The following RFX7 variants were observed in gnomAD, a reference collection of about 807,000 sequenced individuals.
The protein encoded by RFX7 is regulatory factor X7, also known as DNA-binding protein RFX7.
Under a neutral mutation model 111.8 loss-of-function variants are expected in RFX7, and 26 were observed. The ratio of observed to expected loss-of-function variants is 0.23; its 90% CI spans 0.17 to 0.32. The LOEUF (loss-of-function observed/expected upper bound fraction) is 0.32, where lower values mean the gene tolerates loss of function less well. Ranked by LOEUF, RFX7 falls within the 10% of genes least tolerant of loss-of-function variation. The pLI, the probability that RFX7 is intolerant of heterozygous loss-of-function variation, is 1.00. For synonymous variants in RFX7, 624 were observed against 624.4 expected, an observed-to-expected ratio of 1.00 and a Z score of 0.01; for missense variants, 1,573 against 1,772.9, an observed-to-expected ratio of 0.89 and a Z score of 2.02.
chr15:56,153,142 C>G (rs957893210), intron 3 of RFX7, among the ~76,000 whole-genome samples: 4 of 152,198 alleles, frequency 2.6e-5, no homozygotes, highest in Non-Finnish European at 5.9e-5. Flanking sequence ...CAAAGAGGAG[C>G]TGGTACCATT....
intron 5 of RFX7, among the ~76,000 whole-genome samples, chr15:56,135,160 T>C (rs1194388260): frequency 1.4e-3 from 214 of 152,324 alleles, no homozygotes; most frequent in Non-Finnish European, 2.5e-3. Context: ...AAATGGTATT[T>C]CTAGTTCTAG....
intron 2 of RFX7, among the ~76,000 whole-genome samples, chr15:56,190,199 C>T (rs2043086269): frequency 6.6e-6 from 1 of 152,190 alleles, no homozygotes; most frequent in Non-Finnish European, 1.5e-5. Context: ...CTTCCCTGCT[C>T]ACTGGGAAGG....
At position 56,103,175 on chromosome 15, in the gene RFX7, T is replaced by C. The variant is rs192545285; in HGVS notation, c.518+379A>G. Among the ~76,000 whole-genome samples, 9 of 150,350 alleles carry C rather than the reference T, an allele frequency of 6.0e-5. No homozygotes were observed. In the East Asian group the frequency reaches 1.8e-3, roughly 29 times the overall value. On this transcript the variant is annotated intron_variant, in intron 6 of 9. Transcript: ENST00000559447. ...TTTTGCCAAGGAGATCCCCTATGTT[T>C]CTAAATTAAAGGAAGAAACGAAGAT...
intron 2 of RFX7, 69 bp downstream of exon 2, chr15:56,243,056 G>GCCCCC: frequency 5.8e-6 from 3 of 520,784 alleles, no homozygotes; most frequent in South Asian, 1.7e-5. Context: ...CCCGCCCGCC[G>GCCCCC]CCCCCCACCC....
At chr15:56,195,704 C>T (rs2043141163) in intron 2 of RFX7, among the ~76,000 whole-genome samples, 1 of 152,178 alleles carries the variant, frequency 6.6e-6, no homozygotes, top group Non-Finnish European at 1.5e-5. Flanking sequence ...TGGAATCATA[C>T]AGTGGTGTTC....
At chr15:56,201,098 A>G (rs1159510686) in intron 2 of RFX7, among the ~76,000 whole-genome samples, 4 of 152,176 alleles carry the variant, frequency 2.6e-5, no homozygotes, top group African/African-American at 9.7e-5. Context: ...AAGACTACGG[A>G]CTATACCAGT....
intron 3 of RFX7, among the ~76,000 whole-genome samples, chr15:56,147,839 C>A (rs1484689231): frequency 6.6e-6 from 1 of 152,224 alleles, no homozygotes; most frequent in African/African-American, 2.4e-5. Context: ...TCCCAAAGTG[C>A]TGGGATTACA....
rs116989126 is a variant in RFX7, at chr15:56,141,346, A to G, written c.401+1432T>C. On this transcript the variant is annotated intron_variant, in intron 5 of 9. Transcript: ENST00000559447. ...GTGCCATTGCACTCCAGCCTAGGTGACAAGAGTTAAACCCTGTCTCAAAAA... is the reference window on the plus strand; with the variant it reads ...GTGCCATTGCACTCCAGCCTAGGTGGCAAGAGTTAAACCCTGTCTCAAAAA... Among the ~76,000 whole-genome samples the G allele has an allele frequency of 1.9e-3, 288 of 152,094 alleles. 2 individuals are homozygous for G. The highest frequency in any genetic ancestry group is 4.8e-3 in the Admixed American group (74 of 15,268).
chr15:56,218,132 A>G (rs2043382331), intron 2 of RFX7, among the ~76,000 whole-genome samples: 1 of 146,820 alleles, frequency 6.8e-6, no homozygotes, highest in African/African-American at 2.5e-5. Flanking sequence ...CAAGTAATTT[A>G]GAAATGATTT....
intron 2 of RFX7, among the ~76,000 whole-genome samples, chr15:56,228,578 A>AT (rs1162398154): frequency 6.6e-6 from 1 of 152,142 alleles, no homozygotes; most frequent in Non-Finnish European, 1.5e-5. Context: ...TATGTGTTTA[A>AT]TTTTTTTCAT....
intron 3 of RFX7, among the ~76,000 whole-genome samples, chr15:56,153,458 A>G (rs1401939432): frequency 6.6e-6 from 1 of 152,162 alleles, no homozygotes; most frequent in Non-Finnish European, 1.5e-5. Flanking sequence ...CCACATAAAC[A>G]ACAAACGTAA....
chr15:56,123,679 A>G (rs2042106114), intron 5 of RFX7, among the ~76,000 whole-genome samples: 1 of 152,160 alleles, frequency 6.6e-6, no homozygotes, highest in Admixed American at 6.5e-5. Flanking sequence ...CTGCCTTTCA[A>G]GTTTATTTAG....
intron 2 of RFX7, among the ~76,000 whole-genome samples, chr15:56,207,212 G>C (rs1191551547): frequency 6.6e-6 from 1 of 152,118 alleles, no homozygotes; most frequent in Non-Finnish European, 1.5e-5. Context: ...CTTTCATGAG[G>C]TACCTAGAGT....
In RFX7 at chr15:56,136,375, G is replaced by T. The variant is rs1369309061; in HGVS notation, c.401+6403C>A. Among the ~76,000 whole-genome samples, 3 of 145,462 alleles carry T rather than the reference G, an allele frequency of 2.1e-5. No homozygotes were observed. The East Asian group carries it at 6.0e-4, about 29-fold the overall frequency. On this transcript the variant is annotated intron_variant, in intron 5 of 9. Coordinates refer to ENST00000559447, the MANE Select transcript of RFX7 (RefSeq NM_022841.7). ...TCCTAGGTATTTTATTCTCTTTGAA[G>T]CAATTGTGAATGGGAGTTCACTCAG...
chr15:56,224,865 T>A (rs2141220875), intron 2 of RFX7, among the ~76,000 whole-genome samples: 1 of 152,240 alleles, frequency 6.6e-6, no homozygotes, highest in East Asian at 1.9e-4. Context: ...CATCTGGAAT[T>A]CTGTTGATAA....
chr15:56,114,584 T>TTAG (rs2041983535), intron 5 of RFX7, among the ~76,000 whole-genome samples: 1 of 152,172 alleles, frequency 6.6e-6, no homozygotes, highest in Non-Finnish European at 1.5e-5. Flanking sequence ...AGGATCATAC[T>TTAG]AATATATCAC....
intron 1 of RFX7, 60 bp downstream of exon 1, chr15:56,243,385 G>A: frequency 3.5e-6 from 3 of 863,936 alleles, no homozygotes; most frequent in South Asian, 2.0e-5. Context: ...GAGGAGGAGG[G>A]GGAGGGGGAG....
chr15:56,121,074 T>C (rs1285326741), intron 5 of RFX7, among the ~76,000 whole-genome samples: 2 of 152,244 alleles, frequency 1.3e-5, no homozygotes, highest in Non-Finnish European at 2.9e-5. Flanking sequence ...GTATACACTA[T>C]TACCACTGAG....
chr15:56,201,288 G>C (rs2043191002), intron 2 of RFX7, among the ~76,000 whole-genome samples: 1 of 152,148 alleles, frequency 6.6e-6, no homozygotes, highest in Non-Finnish European at 1.5e-5. Flanking sequence ...ATGTCCTGTA[G>C]TCCTCCACTT....
Sources: allele counts gnomAD v4.1 joint callset (sites outside exome capture counted in the v4.1 genomes callset), GRCh38; gene constraint gnomAD v4.1.1; transcripts MANE v1.5; gene names NCBI Gene and HGNC (gene_info 2026-07-23, HGNC 2026-07-21).